STK31: variants seen among roughly 807,000 people sequenced by gnomAD.
The protein encoded by STK31 is serine/threonine kinase 31.
In STK31, 89 loss-of-function variants were observed where a neutral mutation model predicts 129.7. That is an observed-to-expected ratio of 0.69 (90% CI 0.58 to 0.82). The LOEUF (loss-of-function observed/expected upper bound fraction) is 0.82. Ranked by LOEUF, STK31 falls within the 40% of genes least tolerant of loss-of-function variation. The probability of loss-of-function intolerance (pLI) is 0.00; values close to 1 mark genes in which losing one functional copy is unlikely to be tolerated. For synonymous variants in STK31, 448 were observed against 395.3 expected, an observed-to-expected ratio of 1.13 and a Z score of -1.58; for missense variants, 1,187 against 1,176.4, an observed-to-expected ratio of 1.01 and a Z score of -0.13.
At chr7:23,738,899 C>T (rs1787884064) in intron 8 of STK31, among the ~76,000 whole-genome samples, 1 of 152,278 alleles carries the variant, frequency 6.6e-6, no homozygotes, top group South Asian at 2.1e-4. Context: ...GGGTTGGTTC[C>T]AAGTCTTTGC....
At chr7:23,730,878 A>ATATTTTTTTTTTTTTTT in intron 6 of STK31, among the ~76,000 whole-genome samples, 1 of 59,552 alleles carries the variant, frequency 1.7e-5, no homozygotes, top group Non-Finnish European at 3.3e-5. Context: ...ATATATATAT[A>ATATTTTTTTTTTTTTTT]TTTTTTTTTT....
At position 23,788,009 on chromosome 7, in the gene STK31, C is replaced by A; in HGVS notation, c.2517C>A (p.Ala839=). ...EETLKVMKGV[A]QGLHTLHKAD... is the part of the protein sequence containing the mutation. ...CTTTAAAGGTCATGAAAGGTGTTGC[C>A]CAGGGTCTGCATACATTGCATAAGG... Residue 839 remains alanine, a synonymous_variant, in exon 21 of 24, where the codon GCC becomes GCA. Coordinates refer to ENST00000355870, the MANE Select transcript of STK31 (RefSeq NM_031414.5). 6.3e-7 allele frequency: 1 copy of A among 1,586,870 alleles called. No individual in the cohort carries two copies. The highest frequency in any genetic ancestry group is 8.6e-7 in the Non-Finnish European group (1 of 1,166,376).
intron 23 of STK31, among the ~76,000 whole-genome samples, chr7:23,824,364 T>C (rs143510556): frequency 0.12 from 18,333 of 152,234 alleles, 1,611 homozygotes; most frequent in African/African-American, 0.25. Context: ...GAAGCAATTG[T>C]GAATGGGAGT....
intron 13 of STK31, 63 bp from the exon 14 acceptor site, chr7:23,770,942 T>G: frequency 1.3e-6 from 2 of 1,481,730 alleles, no homozygotes; most frequent in East Asian, 2.6e-5. Flanking sequence ...CTATTGTTAT[T>G]GGAGGCCTTA....
intron 4 of STK31, among the ~76,000 whole-genome samples, chr7:23,718,039 T>C (rs192503946): frequency 1.3e-5 from 2 of 152,250 alleles, no homozygotes; most frequent in African/African-American, 2.4e-5. Context: ...TGCAGAACAG[T>C]ATGAATGTAC....
intron 23 of STK31, among the ~76,000 whole-genome samples, chr7:23,823,755 A>G (rs1240005839): frequency 6.6e-6 from 1 of 152,170 alleles, no homozygotes; most frequent in African/African-American, 2.4e-5. Context: ...TCTTTAATCC[A>G]TCTTGAATTA....
intron 4 of STK31, among the ~76,000 whole-genome samples, chr7:23,725,428 A>C (rs1787004223): frequency 1.4e-5 from 2 of 143,442 alleles, no homozygotes; most frequent in African/African-American, 2.6e-5. Context: ...CTGTAACCCC[A>C]GATATTTGGG....
At chr7:23,713,791 A>G (rs183694296) in intron 3 of STK31, among the ~76,000 whole-genome samples, 12 of 152,232 alleles carry the variant, frequency 7.9e-5, no homozygotes, top group East Asian at 3.9e-4. Context: ...ATACCTTCAG[A>G]AGGACTTGAG....
chr7:23,710,122 G>A, upstream of STK31: 5 of 1,266,072 alleles, frequency 3.9e-6, no homozygotes, highest in Non-Finnish European at 5.5e-6. Flanking sequence ...GCTCCCGCAC[G>A]CTTCTTCCTA....
chr7:23,758,795 T>G (rs1348154033), intron 10 of STK31, among the ~76,000 whole-genome samples: 3 of 152,138 alleles, frequency 2.0e-5, no homozygotes, highest in African/African-American at 7.2e-5. Flanking sequence ...TGAGCAATAC[T>G]AACCTTAAAT....
At chr7:23,730,453 T>G (rs1284925388) in intron 6 of STK31, among the ~76,000 whole-genome samples, 2 of 152,202 alleles carry the variant, frequency 1.3e-5, no homozygotes, top group Admixed American at 6.5e-5. Flanking sequence ...GTTTCTGGTT[T>G]AAAATCTAAA....
At chr7:23,728,990 T>G (rs1787241682) in intron 5 of STK31, 101 bp from the exon 6 acceptor site, 2 of 1,028,262 alleles carry the variant, frequency 1.9e-6, no homozygotes, top group Non-Finnish European at 2.7e-6. Flanking sequence ...AAGAATGCTA[T>G]TTTGATATAC....
intron 6 of STK31, among the ~76,000 whole-genome samples, chr7:23,729,881 T>C (rs1787300804): frequency 6.6e-6 from 1 of 152,222 alleles, no homozygotes; most frequent in Non-Finnish European, 1.5e-5. Context: ...GGAAAGTATT[T>C]ATTAAATAAA....
intron 22 of STK31, among the ~76,000 whole-genome samples, chr7:23,810,101 T>G (rs1169334714): frequency 6.6e-6 from 1 of 152,172 alleles, no homozygotes; most frequent in Non-Finnish European, 1.5e-5. Context: ...TGTACATATT[T>G]AGGATTGTTA....
chr7:23,818,277 G>A (rs1348312873), intron 23 of STK31, among the ~76,000 whole-genome samples: 1 of 152,062 alleles, frequency 6.6e-6, no homozygotes, highest in African/African-American at 2.4e-5. Flanking sequence ...GGAGTTGGCT[G>A]ATTGCATCCT....
chr7:23,811,799 A>G (rs753648059), intron 22 of STK31: 1 of 152,380 alleles, frequency 6.6e-6, no homozygotes, highest in Non-Finnish European at 1.5e-5. Context: ...TGGTTTGGGT[A>G]TTACAATATA....
intron 8 of STK31, among the ~76,000 whole-genome samples, chr7:23,741,041 T>A (rs1036533277): frequency 6.6e-6 from 1 of 152,240 alleles, no homozygotes; most frequent in South Asian, 2.1e-4. Flanking sequence ...TATGAACTAA[T>A]GAATTTTAAA....
intron 15 of STK31, among the ~76,000 whole-genome samples, chr7:23,775,725 TTGGGCTGAGACGA>T (rs1457383152): frequency 1.3e-5 from 2 of 152,228 alleles, no homozygotes; most frequent in African/African-American, 4.8e-5. Flanking sequence ...TAAGGAGATT[TTGGGCTGAGACGA>T]TGGGGTTTTC....
chr7:23,717,659 C>G, intron 4 of STK31, 80 bp downstream of exon 4: 1 of 1,099,910 alleles, frequency 9.1e-7, no homozygotes, highest in Non-Finnish European at 1.3e-6. Context: ...TTTTGGAGTT[C>G]CTGGTATATT....
Sources: gnomAD v4.1 joint callset for allele counts (sites outside exome capture counted in the v4.1 genomes callset) on GRCh38, gnomAD v4.1.1 for gene constraint, MANE v1.5 for transcripts, NCBI Gene and HGNC (gene_info 2026-07-23, HGNC 2026-07-21) for gene names.